The following CALN1 variants were observed in gnomAD, a reference collection of about 807,000 sequenced individuals.
The protein encoded by CALN1 is calneuron 1.
A neutral mutation model predicts 30.6 loss-of-function variants in CALN1; 17 were observed. The observed-to-expected ratio is 0.56, with a 90% confidence interval of 0.38 to 0.83. CALN1 has a LOEUF of 0.83. Among genes scored for constraint, CALN1 ranks in the 40% least tolerant of loss-of-function variants. The pLI is 0.00. For missense variants in CALN1, 291 were observed against 354.9 expected (o/e 0.82, Z 1.45); for synonymous variants, 156 against 131.4 (o/e 1.19, Z -1.28).
Position 72,306,623 on chromosome 7 carries a change from AAAAAAAAAAGAAG to A in CALN1, c.120-27826_120-27814del, listed in dbSNP as rs989097021. 2.9e-4 allele frequency among the ~76,000 whole-genome samples: 40 copies of A among 138,408 alleles called. No individual in the cohort carries two copies. In the South Asian group the frequency reaches 8.4e-3, roughly 29 times the overall value. The allele number at this position is 138,408 out of a possible 152,430, so 90.8% of individuals were successfully genotyped here. On this transcript the variant is annotated intron_variant, in intron 2 of 6. Transcript: ENST00000395275. ...TAAATAAACTCTCATTCCTGCTCTA[AAAAAAAAAAGAAG>A]AAAAAAAAAGAAAAGAAAAATAAAA...
intron 5 of CALN1, among the ~76,000 whole-genome samples, chr7:71,915,666 G>A (rs1305746104): frequency 2.6e-5 from 4 of 152,178 alleles, no homozygotes; most frequent in Non-Finnish European, 4.4e-5. Flanking sequence ...CAGGGGAGGC[G>A]GAGGTTGCAG....
At chr7:71,789,681 G>A (rs929025502) in intron 6 of CALN1, among the ~76,000 whole-genome samples, 2 of 152,096 alleles carry the variant, frequency 1.3e-5, no homozygotes, top group Non-Finnish European at 2.9e-5. Flanking sequence ...TAGGGGTTTC[G>A]TTCTCTTAAT....
chr7:72,280,458 A>G (rs1053136642), intron 2 of CALN1, among the ~76,000 whole-genome samples: 2 of 152,230 alleles, frequency 1.3e-5, no homozygotes, highest in Non-Finnish European at 2.9e-5. Flanking sequence ...TACAAGTGAG[A>G]TGTTTCCAAA....
chr7:72,082,767 G>A (rs375531205), intron 4 of CALN1, among the ~76,000 whole-genome samples: 47 of 152,144 alleles, frequency 3.1e-4, no homozygotes, highest in African/African-American at 1.1e-3. Context: ...ACTCAACTAC[G>A]GATTACATTG....
intron 5 of CALN1, among the ~76,000 whole-genome samples, chr7:71,893,696 C>G (rs1370953653): frequency 6.9e-6 from 1 of 144,358 alleles, no homozygotes; most frequent in Non-Finnish European, 1.5e-5. Context: ...GTCTTGAATA[C>G]AAAGAAAAAA....
chr7:71,820,646 C>G, intron 5 of CALN1, among the ~76,000 whole-genome samples: 1 of 152,194 alleles, frequency 6.6e-6, no homozygotes, highest in East Asian at 1.9e-4. Context: ...TACCTAGAAG[C>G]AGAATTGCTG....
At chr7:72,229,104 A>C (rs1252989081) in intron 3 of CALN1, among the ~76,000 whole-genome samples, 1 of 151,776 alleles carries the variant, frequency 6.6e-6, no homozygotes, top group Non-Finnish European at 1.5e-5. Flanking sequence ...CTAAAGATAC[A>C]ATCAGGGAAA....
At chr7:72,211,098 C>T (rs1457365309) in intron 3 of CALN1, among the ~76,000 whole-genome samples, 2 of 151,986 alleles carry the variant, frequency 1.3e-5, no homozygotes, top group African/African-American at 4.8e-5. Flanking sequence ...TTGATTGTGA[C>T]ACTCCTAATG....
At chr7:72,047,551 T>C (rs1224569988) in intron 4 of CALN1, among the ~76,000 whole-genome samples, 1 of 152,170 alleles carries the variant, frequency 6.6e-6, no homozygotes, top group East Asian at 1.9e-4. Flanking sequence ...ATCACACCAC[T>C]GCACCGCAGT....
chr7:72,413,595 CACTA>C (rs779786831), upstream of CALN1, among the ~76,000 whole-genome samples: 22 of 151,996 alleles, frequency 1.4e-4, no homozygotes, highest in Non-Finnish European at 2.6e-4. Flanking sequence ...TACATATACA[CACTA>C]ACACATGCAC....
intron 4 of CALN1, among the ~76,000 whole-genome samples, chr7:72,030,676 A>T (rs1801380288): frequency 6.6e-6 from 1 of 152,194 alleles, no homozygotes; most frequent in African/African-American, 2.4e-5. Flanking sequence ...AAACCTGATA[A>T]TCATAATAAT....
chr7:72,087,260 G>C (rs900119762), intron 4 of CALN1, among the ~76,000 whole-genome samples: 1 of 152,226 alleles, frequency 6.6e-6, no homozygotes, highest in Non-Finnish European at 1.5e-5. Context: ...CAGAACCTCA[G>C]GGAGCATTTT....
chr7:72,491,226 CA>C, the CALN1 span, among the ~76,000 whole-genome samples: 43,291 of 131,824 alleles, frequency 0.33, 7,294 homozygotes, highest in African/African-American at 0.5. Context: ...GACTCCGTCT[CA>C]AAAAAAAAAA....
At chr7:72,152,344 C>T (rs1277216200) in intron 3 of CALN1, among the ~76,000 whole-genome samples, 1 of 152,180 alleles carries the variant, frequency 6.6e-6, no homozygotes, top group Non-Finnish European at 1.5e-5. Flanking sequence ...GCTTCAAGGC[C>T]TTCCCTCTCA....
intron 2 of CALN1, among the ~76,000 whole-genome samples, chr7:72,351,798 T>C (rs1029803450): frequency 2.0e-5 from 3 of 151,986 alleles, no homozygotes; most frequent in African/African-American, 4.8e-5. Context: ...AAAAAAGAAA[T>C]AGCAAGATGG....
chr7:72,478,095 T>C, the CALN1 span, among the ~76,000 whole-genome samples: 1 of 152,004 alleles, frequency 6.6e-6, no homozygotes, highest in Non-Finnish European at 1.5e-5. Context: ...TGGATGATGA[T>C]GCCAGGGCCA....
intron 2 of CALN1, among the ~76,000 whole-genome samples, chr7:72,384,705 A>G (rs1805104565): frequency 6.6e-6 from 1 of 152,136 alleles, no homozygotes; most frequent in Non-Finnish European, 1.5e-5. Flanking sequence ...CAAAACTATA[A>G]AACTTCTAGA....
At position 71,784,782 on chromosome 7, in the gene CALN1, T is replaced by C. The variant is rs987938244; in HGVS notation, c.*2993A>G. ...TGAGGGGTGAGCTATTCCCTCTCAA[T>C]TCCTGCGGAAGTCACTTCCAGCTGG... On this transcript the variant is annotated 3_prime_UTR_variant, in exon 7 of 7. Transcript: ENST00000395275. 1 of 398,618 alleles carries C rather than the reference T, an allele frequency of 2.5e-6. No homozygotes were observed. Among genetic ancestry groups the C allele is most frequent in the Admixed American group, 4.4e-5 (1 of 22,728 alleles). 24.7% of individuals were successfully genotyped at this position (398,618 alleles called of 1,614,324 possible). A position where few individuals can be genotyped will look rare whatever the true frequency, so the allele number is the denominator to read the frequency against.
In CALN1 at chr7:72,012,010, A is replaced by T. The variant is rs77984702; in HGVS notation, c.501+11647T>A. 3.6e-4 allele frequency among the ~76,000 whole-genome samples: 55 copies of T among 152,280 alleles called. No individual in the cohort carries two copies. The East Asian group carries it at 9.3e-3, about 26-fold the overall frequency. ...TCACATCATACCCTATGGGTTAAACACTTGAGGATAAGTAGATTGAATAAA... is the reference window on the plus strand; with the variant it reads ...TCACATCATACCCTATGGGTTAAACTCTTGAGGATAAGTAGATTGAATAAA... On this transcript the variant is annotated intron_variant, in intron 5 of 6. Transcript: ENST00000395275.
Sources: allele counts gnomAD v4.1 joint callset (sites outside exome capture counted in the v4.1 genomes callset), GRCh38; gene constraint gnomAD v4.1.1; transcripts MANE v1.5; gene names NCBI Gene and HGNC (gene_info 2026-07-23, HGNC 2026-07-21).